GRIK1: variants seen among roughly 807,000 people sequenced by gnomAD.
The protein encoded by GRIK1 is glutamate ionotropic receptor kainate type subunit 1.
Under a neutral mutation model 105.7 loss-of-function variants are expected in GRIK1, and 69 were observed. The ratio of observed to expected loss-of-function variants is 0.65; its 90% CI spans 0.54 to 0.80. The LOEUF is 0.80. Among genes scored for constraint, GRIK1 ranks in the 30% least tolerant of loss-of-function variants. GRIK1 has a pLI of 0.00. For synonymous variants in GRIK1, 438 were observed against 431.3 expected (o/e 1.02, Z -0.19); for missense variants, 1,109 against 1,167.3 (o/e 0.95, Z 0.73).
chr21:29,699,120 A>G (rs918015126), intron 1 of GRIK1, among the ~76,000 whole-genome samples: 1 of 152,136 alleles, frequency 6.6e-6, no homozygotes, highest in African/African-American at 2.4e-5. Context: ...TGGTCACTAA[A>G]CAAAGGGTAT....
At chr21:29,824,196 C>T (rs532762960) in intron 1 of GRIK1, among the ~76,000 whole-genome samples, 23 of 151,990 alleles carry the variant, frequency 1.5e-4, no homozygotes, top group South Asian at 1.5e-3. Flanking sequence ...CCTCCATACA[C>T]GATAAACATA....
chr21:29,783,342 T>C (rs2066175178), intron 1 of GRIK1, among the ~76,000 whole-genome samples: 1 of 152,166 alleles, frequency 6.6e-6, no homozygotes, highest in Non-Finnish European at 1.5e-5. Flanking sequence ...AGCTGCTCAA[T>C]AAATGTTTGC....
Position 29,598,915 on chromosome 21 carries a change from C to A in GRIK1, c.1121G>T (p.Gly374Val). ...IKEARWDGLTGHITFNKTNGL... is the reference protein window; with the variant it reads ...IKEARWDGLTVHITFNKTNGL... Reference sequence around the variant, plus strand: ...ATTGGTTTTATTAAAGGTGATATGCCCAGTCAAGCCATCCCACCGGGCCTG... The same window carrying A: ...ATTGGTTTTATTAAAGGTGATATGCACAGTCAAGCCATCCCACCGGGCCTG... Residue 374 changes from glycine to valine, a missense_variant, in exon 8 of 18, where the codon GGG becomes GTG. Coordinates refer to ENST00000327783, the MANE Select transcript of GRIK1 (RefSeq NM_001330994.2). The A allele has an allele frequency of 6.3e-7, 1 of 1,580,600 alleles. No homozygotes were observed. Among genetic ancestry groups the A allele is most frequent in the Non-Finnish European group, 8.7e-7 (1 of 1,154,552 alleles).
At chr21:29,891,349 A>G (rs1289944826) in intron 1 of GRIK1, among the ~76,000 whole-genome samples, 1 of 152,224 alleles carries the variant, frequency 6.6e-6, no homozygotes, top group Non-Finnish European at 1.5e-5. Context: ...AACGTGGAGA[A>G]GGGAATGAGT....
rs2062729129 is a variant in GRIK1, at chr21:29,651,221, T to C, written c.851A>G (p.Asn284Ser). The change falls in exon 6 of 18, where the codon AAC (asparagine) becomes AGC (serine). Residue 284 changes from asparagine to serine, a missense_variant. Asn to Ser is a conservative substitution (Grantham distance 46). Around this residue, in one of 5 missense-constraint regions of GRIK1, gnomAD observed 612 missense variants for 586.0 expected, o/e 1.04. Coordinates refer to ENST00000327783, the MANE Select transcript of GRIK1 (RefSeq NM_001330994.2). ...GGATGACACGTGAGGGTTGTCAATG[T>C]TAAGCAGCCGAAACCCGGTCATGTT... is the stretch of plus-strand genomic sequence containing the variant. Reference protein sequence around the residue: ...GVNMTGFRLLNIDNPHVSSII... With the variant: ...GVNMTGFRLLSIDNPHVSSII... 6.2e-7 allele frequency: 1 copy of C among 1,613,840 alleles called. No individual in the cohort carries two copies. Among genetic ancestry groups the C allele is most frequent in the Non-Finnish European group, 8.5e-7 (1 of 1,179,688 alleles).
chr21:29,926,739 T>G (rs2146343267), intron 1 of GRIK1, among the ~76,000 whole-genome samples: 1 of 152,294 alleles, frequency 6.6e-6, no homozygotes, highest in African/African-American at 2.4e-5. Flanking sequence ...GATTTCTTTC[T>G]CTTTACAATT....
At chr21:29,753,189 T>A (rs1378051735) in intron 1 of GRIK1, among the ~76,000 whole-genome samples, 3 of 152,198 alleles carry the variant, frequency 2.0e-5, no homozygotes, top group East Asian at 1.9e-4. Context: ...TATTAATAGT[T>A]AATAACAATT....
chr21:29,785,217 C>T lies in GRIK1; in HGVS notation c.119-91154G>A, dbSNP rs188776555. On this transcript the variant is annotated intron_variant, in intron 1 of 17. Coordinates refer to ENST00000327783, the MANE Select transcript of GRIK1 (RefSeq NM_001330994.2). ...AATACTCACTGCTACAAGAAGATAT[C>T]AGCCTAATGCCATGCTTAAGTTGAA... Among the ~76,000 whole-genome samples, 3 of 152,264 alleles carry T rather than the reference C, an allele frequency of 2.0e-5. No individual in the cohort carries two copies. The East Asian group carries it at 5.8e-4, about 29-fold the overall frequency.
intron 15 of GRIK1, among the ~76,000 whole-genome samples, chr21:29,559,160 C>T (rs926780898): frequency 7.2e-5 from 11 of 152,054 alleles, no homozygotes; most frequent in South Asian, 2.1e-4. Flanking sequence ...TACTCCTCTA[C>T]GAGGGTCTTG....
chr21:29,671,521 T>C (rs888992297), intron 4 of GRIK1, among the ~76,000 whole-genome samples: 2 of 152,050 alleles, frequency 1.3e-5, no homozygotes, highest in African/African-American at 2.4e-5. Context: ...AATGGCTGCA[T>C]GGAGGTGCTC....
At chr21:29,893,332 G>T (rs1005364901) in intron 1 of GRIK1, among the ~76,000 whole-genome samples, 2 of 152,130 alleles carry the variant, frequency 1.3e-5, no homozygotes, top group Non-Finnish European at 2.9e-5. Flanking sequence ...TAAGTATGGT[G>T]CAATAGTTAT....
At chr21:29,560,698 T>C (rs993885552) in intron 15 of GRIK1, among the ~76,000 whole-genome samples, 2 of 150,560 alleles carry the variant, frequency 1.3e-5, no homozygotes, top group African/African-American at 2.5e-5. Context: ...ACCTCCCGGG[T>C]TCAAATGATT....
chr21:29,555,587 G>T (rs1214267950), intron 15 of GRIK1, among the ~76,000 whole-genome samples: 5 of 152,100 alleles, frequency 3.3e-5, no homozygotes, highest in African/African-American at 1.2e-4. Flanking sequence ...TTTGTTTCTG[G>T]TGAGATCATT....
intron 7 of GRIK1, among the ~76,000 whole-genome samples, chr21:29,601,659 A>C (rs958600375): frequency 9.9e-5 from 15 of 152,176 alleles, no homozygotes; most frequent in African/African-American, 3.6e-4. Context: ...ATTTTGGTCC[A>C]CAGTCACTAT....
At chr21:29,825,631 T>A (rs185067546) in intron 1 of GRIK1, among the ~76,000 whole-genome samples, 1 of 152,180 alleles carries the variant, frequency 6.6e-6, no homozygotes, top group Admixed American at 6.6e-5. Flanking sequence ...GATTTTTAAG[T>A]TTCTGTGAAT....
intron 1 of GRIK1, among the ~76,000 whole-genome samples, chr21:29,928,990 GAAAC>G (rs1482410113): frequency 3.3e-5 from 5 of 152,162 alleles, no homozygotes; most frequent in Non-Finnish European, 2.9e-5. Context: ...TAATTACAGG[GAAAC>G]AAACAAAGTT....
intron 1 of GRIK1, among the ~76,000 whole-genome samples, chr21:29,728,166 A>G (rs2064518537): frequency 6.6e-6 from 1 of 152,216 alleles, no homozygotes; most frequent in Non-Finnish European, 1.5e-5. Flanking sequence ...GTCATATAAA[A>G]TTAACCATTG....
intron 5 of GRIK1, among the ~76,000 whole-genome samples, chr21:29,652,871 G>T (rs1200731792): frequency 1.3e-5 from 2 of 152,150 alleles, no homozygotes; most frequent in Non-Finnish European, 2.9e-5. Flanking sequence ...TTGCATTTGC[G>T]GAAGATGCAT....
Position 29,581,728 on chromosome 21 carries a change from G to A in GRIK1, c.1794-185C>T, listed in dbSNP as rs145962960. Among the ~76,000 whole-genome samples, 26 of 152,246 alleles carry A rather than the reference G, an allele frequency of 1.7e-4. 2 individuals are homozygous for A. The highest frequency in any genetic ancestry group is 5.1e-4 in the African/African-American group (21 of 41,570). ...GGCAAAGTGCAAAGAGCCTTGAGAC[G>A]TTAATATTTACCAGACTTCTTATTT... On this transcript the variant is annotated intron_variant, in intron 12 of 17. Transcript: ENST00000327783.
Sources: gnomAD v4.1 joint callset for allele counts (sites outside exome capture counted in the v4.1 genomes callset) on GRCh38, gnomAD v4.1.1 for gene constraint, gnomAD v4.1.1 regional missense constraint, MANE v1.5 for transcripts, NCBI Gene and HGNC (gene_info 2026-07-23, HGNC 2026-07-21) for gene names.